Variants in TMEM265 observed in about 807,000 individuals in gnomAD.
TMEM265 encodes transmembrane protein 265.
In TMEM265, 8 loss-of-function variants were observed where a neutral mutation model predicts 9.5. That is an observed-to-expected ratio of 0.84 (90% CI 0.49 to 1.52). The LOEUF (loss-of-function observed/expected upper bound fraction) is 1.52, where lower values mean the gene tolerates loss of function less well. TMEM265 is among the 40% of genes most tolerant of loss of function. The probability of loss-of-function intolerance (pLI) is 0.00; values close to 1 mark genes in which losing one functional copy is unlikely to be tolerated. For missense variants in TMEM265, 152 were observed against 146.2 expected, an observed-to-expected ratio of 1.04 and a Z score of -0.21; for synonymous variants, 53 against 56.9, an observed-to-expected ratio of 0.93 and a Z score of 0.31.
In TMEM265 at chr16:30,743,829, G is replaced by T. The variant is rs1567257305; in HGVS notation, c.213G>T (p.Trp71Cys). 6.5e-7 allele frequency: 1 copy of T among 1,533,614 alleles called. No individual in the cohort carries two copies. The change falls in exon 3 of 3, where the codon TGG becomes TGT. Residue 71 changes from tryptophan to cysteine, a missense_variant. Coordinates refer to ENST00000615541, the MANE Select transcript of TMEM265 (RefSeq NM_001256829.2). ...KAGRSEEAVR[W>C]GARARKLILA... ...GCCGGTCCGAGGAGGCAGTGCGCTGGGGGGCCCGGGCCCGGAAACTCATCC... is the reference window on the plus strand; with the variant it reads ...GCCGGTCCGAGGAGGCAGTGCGCTGTGGGGCCCGGGCCCGGAAACTCATCC...
intron 2 of TMEM265, among the ~76,000 whole-genome samples, chr16:30,742,852 G>A (rs1023760733): frequency 6.0e-5 from 9 of 150,994 alleles, no homozygotes; most frequent in South Asian, 4.2e-4. Context: ...CTTGAACCAC[G>A]GAGTCGGAGG....
chr16:30,744,293 A>G lies in TMEM265; in HGVS notation c.*350A>G. 1 of 178,498 alleles carries G rather than the reference A, an allele frequency of 5.6e-6. No individual in the cohort carries two copies. The highest frequency in any genetic ancestry group is 1.5e-4 in the East Asian group (1 of 6,824). 11.1% of individuals were successfully genotyped at this position (178,498 alleles called of 1,614,324 possible). On this transcript the variant is annotated 3_prime_UTR_variant, in exon 3 of 3. Coordinates refer to ENST00000615541, the MANE Select transcript of TMEM265 (RefSeq NM_001256829.2). ...TTTTAGTGGTGAAATACTCCTGTCT[A>G]ATTGTTCTCCTCCTGCTTTCCCTTG...
intron 1 of TMEM265, chr16:30,741,187 G>A (rs1471762291): frequency 2.0e-5 from 3 of 152,216 alleles, no homozygotes; most frequent in Non-Finnish European, 4.4e-5. Flanking sequence ...TCTTTCTGAT[G>A]TTTGGTTTTA....
chr16:30,742,184 T>G (rs2053230884), intron 2 of TMEM265, among the ~76,000 whole-genome samples: 1 of 152,128 alleles, frequency 6.6e-6, no homozygotes, highest in Non-Finnish European at 1.5e-5. Flanking sequence ...ATGTATGTAA[T>G]TATATATGTG....
chr16:30,743,729 G>T, intron 2 of TMEM265, 53 bp from the exon 3 acceptor site: 1 of 1,464,540 alleles, frequency 6.8e-7, no homozygotes, highest in Non-Finnish European at 9.0e-7. Flanking sequence ...GGGGAAATGG[G>T]CACCTTGGGG....
chr16:30,742,027 AAATAAG>A (rs1202584634), intron 2 of TMEM265, 119 bp downstream of exon 2: 31 of 1,086,020 alleles, frequency 2.9e-5, no homozygotes, highest in Non-Finnish European at 3.7e-5. Flanking sequence ...CTAGTGCCAG[AAATAAG>A]AATAAGACAG....
rs1340097554 is a variant in TMEM265 at position 30,743,825 on chromosome 16, G to A, written c.209G>A (p.Arg70His). ...HKAGRSEEAV[R>H]WGARARKLIL... ...GCAGGCCGGTCCGAGGAGGCAGTGC[G>A]CTGGGGGGCCCGGGCCCGGAAACTC... The change falls in exon 3 of 3, where the codon CGC becomes CAC. Residue 70 changes from arginine (R) to histidine (H), a missense_variant. Coordinates refer to ENST00000615541, the MANE Select transcript of TMEM265 (RefSeq NM_001256829.2). The A allele has an allele frequency of 6.5e-7, 1 of 1,533,800 alleles. No homozygotes were observed. The highest frequency in any genetic ancestry group is 2.4e-5 in the East Asian group (1 of 40,906).
intron 1 of TMEM265, chr16:30,741,441 C>T (rs1041947070): frequency 2.4e-5 from 7 of 289,604 alleles, no homozygotes; most frequent in African/African-American, 6.4e-5. Context: ...TCCTCCTTCT[C>T]GGTGTGCACC....
At position 30,742,873 on chromosome 16, in the gene TMEM265, C is replaced by G. The variant is rs2053233711; in HGVS notation, c.166-909C>G. Among the ~76,000 whole-genome samples the G allele has an allele frequency of 4.7e-5, 7 of 147,886 alleles. No homozygotes were observed. The Admixed American group carries it at 4.8e-4, about 10-fold the overall frequency. ...CCACGGAGTCGGAGGTTGCATTGAGCTGAGATCATGCCACTGCACTCCAGC... is the reference window on the plus strand; with the variant it reads ...CCACGGAGTCGGAGGTTGCATTGAGGTGAGATCATGCCACTGCACTCCAGC... On this transcript the variant is annotated intron_variant, in intron 2 of 2. Coordinates refer to ENST00000615541, the MANE Select transcript of TMEM265 (RefSeq NM_001256829.2).
Position 30,741,877 on chromosome 16 carries a change from T to C in TMEM265, c.134T>C (p.Leu45Pro), listed in dbSNP as rs1015533797. The C allele has an allele frequency of 1.2e-5, 18 of 1,533,822 alleles. No individual in the cohort carries two copies. In the African/African-American group the frequency reaches 2.5e-4, roughly 21 times the overall value. The change falls in exon 2 of 3, where the codon CTG (leucine) becomes CCG (proline). Residue 45 changes from leucine (L) to proline (P), a missense_variant. Physicochemically the swap from Leu to Pro is moderately conservative, Grantham distance 98. Coordinates refer to ENST00000615541, the MANE Select transcript of TMEM265 (RefSeq NM_001256829.2). The part of the protein sequence containing the change: ...ATSIICGCSC[L>P]GVMALVFAIK... Reference sequence around the variant, plus strand: ...AGCATTATCTGTGGCTGCTCTTGCCTGGGAGTCATGGCTCTGGTGTTTGCC... The same window carrying C: ...AGCATTATCTGTGGCTGCTCTTGCCCGGGAGTCATGGCTCTGGTGTTTGCC...
Position 30,744,246 on chromosome 16 carries a change from T to A in TMEM265, c.*303T>A. ...AAGACCAGGCCTGGTTTTATTAGAA[T>A]TCATTTTGTAATAAAAGCCTTTTTT... is the stretch of plus-strand genomic sequence containing the variant. On this transcript the variant is annotated 3_prime_UTR_variant, in exon 3 of 3. Coordinates refer to ENST00000615541, the MANE Select transcript of TMEM265 (RefSeq NM_001256829.2). 3.7e-6 allele frequency: 1 copy of A among 270,146 alleles called. No homozygotes were observed. The highest frequency in any genetic ancestry group is 6.9e-6 in the Non-Finnish European group (1 of 145,474). The allele number at this position is 270,146 out of a possible 1,614,324, so 16.7% of individuals were successfully genotyped here. A position where few individuals can be genotyped will look rare whatever the true frequency, so the allele number is the denominator to read the frequency against.
intron 2 of TMEM265, 48 bp from the exon 3 acceptor site, chr16:30,743,734 T>C (rs906399131): frequency 1.6e-5 from 24 of 1,478,250 alleles, no homozygotes; most frequent in Non-Finnish European, 2.1e-5. Flanking sequence ...AATGGGCACC[T>C]TGGGGCAGAA....
chr16:30,742,040 A>G, intron 2 of TMEM265, 132 bp downstream of exon 2: 1 of 1,003,624 alleles, frequency 1.0e-6, no homozygotes, highest in African/African-American at 1.6e-5. Flanking sequence ...TAAGAATAAG[A>G]CAGGGTTCCT....
intron 2 of TMEM265, among the ~76,000 whole-genome samples, 172 bp downstream of exon 2, chr16:30,742,080 AGAGGT>A (rs1018100529): frequency 2.0e-4 from 30 of 152,348 alleles, no homozygotes; most frequent in African/African-American, 6.5e-4. Context: ...ATCTAATGAA[AGAGGT>A]GACAGTGAAA....
intron 2 of TMEM265, among the ~76,000 whole-genome samples, chr16:30,742,519 G>A (rs1018172980): frequency 6.6e-6 from 1 of 152,210 alleles, no homozygotes; most frequent in African/African-American, 2.4e-5. Flanking sequence ...CATCGAGGGT[G>A]AATTGGAGGG....
intron 2 of TMEM265, 68 bp from the exon 3 acceptor site, chr16:30,743,714 G>T: frequency 1.4e-6 from 2 of 1,443,230 alleles, no homozygotes; most frequent in Non-Finnish European, 9.2e-7. Context: ...AAGGGGGAGC[G>T]GAGTGGGGAA....
At chr16:30,741,979 C>T (rs1448118727) in intron 2 of TMEM265, 71 bp downstream of exon 2, 2 of 1,431,444 alleles carry the variant, frequency 1.4e-6, no homozygotes, top group East Asian at 5.0e-5. Flanking sequence ...GATCTATCTA[C>T]ATTGACCAGT....
Position 30,744,063 on chromosome 16 carries a change from C to A in TMEM265, c.*120C>A. 1 of 1,213,886 alleles carries A rather than the reference C, an allele frequency of 8.2e-7. No individual in the cohort carries two copies. The highest frequency in any genetic ancestry group is 1.1e-6 in the Non-Finnish European group (1 of 894,062). The allele number at this position is 1,213,886 out of a possible 1,614,324, so 75.2% of individuals were successfully genotyped here. ...CTGGTTGGAAGGATGGGGACTCTCT[C>A]AAGGGGCTTTGGAAGAGCTCTTCTA... On this transcript the variant is annotated 3_prime_UTR_variant, in exon 3 of 3. Coordinates refer to ENST00000615541, the MANE Select transcript of TMEM265 (RefSeq NM_001256829.2).
In TMEM265 at chr16:30,741,732, C is replaced by T. The variant is rs764546303; in HGVS notation, c.-3-9C>T. On this transcript the variant is annotated splice_polypyrimidine_tract_variant and intron_variant, in intron 1 of 2. Transcript: ENST00000615541. The stretch of plus-strand genomic sequence containing the variant: ...TTGGGCTCACAAGTACCTTGACTAT[C>T]GCCCACAGGTGATGGAGGACGAGGA... The T allele has an allele frequency of 1.4e-5, 21 of 1,530,822 alleles. No individual in the cohort carries two copies. The highest frequency in any genetic ancestry group is 3.9e-5 in the Admixed American group (2 of 50,870). 94.8% of individuals were successfully genotyped at this position (1,530,822 alleles called of 1,614,324 possible). A position where few individuals can be genotyped will look rare whatever the true frequency, so the allele number is the denominator to read the frequency against.
Sources: gnomAD v4.1 joint callset for allele counts (sites outside exome capture counted in the v4.1 genomes callset) on GRCh38, gnomAD v4.1.1 for gene constraint, MANE v1.5 for transcripts, NCBI Gene and HGNC (gene_info 2026-07-23, HGNC 2026-07-21) for gene names.